Variants in TNIK observed in about 807,000 individuals in gnomAD.
TNIK encodes the protein TRAF2 and NCK-interacting protein kinase.
A neutral mutation model predicts 191.3 loss-of-function variants in TNIK; 49 were observed. That is an observed-to-expected ratio of 0.26 (90% confidence interval 0.20 to 0.32). The LOEUF (loss-of-function observed/expected upper bound fraction) is 0.32. TNIK is among the 10% of genes least tolerant of loss of function. The pLI, the probability that TNIK is intolerant of heterozygous loss-of-function variation, is 1.00. For synonymous variants in TNIK, 594 were observed against 600.9 expected, an observed-to-expected ratio of 0.99 and a Z score of 0.17; for missense variants, 1,155 against 1,702.3, an observed-to-expected ratio of 0.68 and a Z score of 5.66.
chr3:171,186,712 C>G (rs903120839), intron 7 of TNIK, among the ~76,000 whole-genome samples: 1 of 152,166 alleles, frequency 6.6e-6, no homozygotes, highest in South Asian at 2.1e-4. Context: ...CATCTTCAAT[C>G]TTTTTAATGT....
intron 19 of TNIK, among the ~76,000 whole-genome samples, chr3:171,109,432 G>A (rs940620336): frequency 2.0e-5 from 3 of 151,988 alleles, no homozygotes; most frequent in Admixed American, 1.3e-4. Context: ...AGAGGCAGCT[G>A]TTGGCTAGTC....
At chr3:171,188,251 AG>A (rs1174059931) in intron 7 of TNIK, among the ~76,000 whole-genome samples, 7 of 152,222 alleles carry the variant, frequency 4.6e-5, no homozygotes, top group Admixed American at 1.3e-4. Flanking sequence ...CTCATGAAAA[AG>A]AAACCCCAGA....
chr3:171,448,242 GT>G (rs1727748454), intron 1 of TNIK, among the ~76,000 whole-genome samples: 1 of 152,078 alleles, frequency 6.6e-6, no homozygotes, highest in African/African-American at 2.4e-5. Context: ...GTTTCACAGA[GT>G]TGTACAAACA....
intron 1 of TNIK, among the ~76,000 whole-genome samples, chr3:171,405,198 C>G (rs1260206917): frequency 6.6e-6 from 1 of 152,086 alleles, no homozygotes; most frequent in Non-Finnish European, 1.5e-5. Flanking sequence ...CAGTCAAACT[C>G]AAGTCGGGGA....
intron 8 of TNIK, among the ~76,000 whole-genome samples, chr3:171,175,735 T>G (rs1446839410): frequency 1.3e-5 from 2 of 152,172 alleles, no homozygotes; most frequent in East Asian, 1.9e-4. Flanking sequence ...TAAAAGGCAT[T>G]TCATTATCCC....
At chr3:171,277,862 C>G (rs779231810) in intron 2 of TNIK, among the ~76,000 whole-genome samples, 7 of 152,198 alleles carry the variant, frequency 4.6e-5, no homozygotes, top group Non-Finnish European at 8.8e-5. Flanking sequence ...TATAGCCAAG[C>G]TGACTTTTTA....
At chr3:171,442,826 C>A (rs566608083) in intron 1 of TNIK, among the ~76,000 whole-genome samples, 47 of 152,202 alleles carry the variant, frequency 3.1e-4, no homozygotes, top group African/African-American at 1.1e-3. Context: ...AATACTGTTC[C>A]TCTTCCCTTT....
rs1752532241 is a variant in TNIK, at chr3:171,298,317, A to C, written c.124-70096T>G. Among the ~76,000 whole-genome samples the C allele has an allele frequency of 2.0e-5, 3 of 152,222 alleles. No homozygotes were observed. The South Asian group carries it at 6.2e-4, about 32-fold the overall frequency. On this transcript the variant is annotated intron_variant, in intron 2 of 32. Coordinates refer to ENST00000436636, the MANE Select transcript of TNIK (RefSeq NM_015028.4). ...GAAAGCAGTTTGTAAAATGTTAAGCATTAACAAATGGAACTTTTTTTGCGA... is the reference window on the plus strand; with the variant it reads ...GAAAGCAGTTTGTAAAATGTTAAGCCTTAACAAATGGAACTTTTTTTGCGA...
chr3:171,311,036 T>C (rs1753960361), intron 2 of TNIK, among the ~76,000 whole-genome samples: 1 of 152,092 alleles, frequency 6.6e-6, no homozygotes, highest in Non-Finnish European at 1.5e-5. Context: ...CACTCACCGC[T>C]CCTACTCATT....
intron 19 of TNIK, among the ~76,000 whole-genome samples, chr3:171,109,905 A>G (rs929147583): frequency 6.6e-6 from 1 of 151,596 alleles, no homozygotes; most frequent in Non-Finnish European, 1.5e-5. Flanking sequence ...CAGAGGAGTC[A>G]ACAATTTTTT....
chr3:171,447,105 C>T (rs927940541), intron 1 of TNIK, among the ~76,000 whole-genome samples: 3 of 152,090 alleles, frequency 2.0e-5, no homozygotes, highest in Non-Finnish European at 2.9e-5. Context: ...GCGGGAGAAT[C>T]GCCTGAACCC....
At chr3:171,097,043 G>T (rs1051436116) in intron 22 of TNIK, among the ~76,000 whole-genome samples, 5 of 152,026 alleles carry the variant, frequency 3.3e-5, no homozygotes, top group Non-Finnish European at 7.4e-5. Flanking sequence ...ATAATTGGGT[G>T]GTTATCATAG....
chr3:171,297,097 A>G (rs938815457), intron 2 of TNIK, among the ~76,000 whole-genome samples: 13 of 152,140 alleles, frequency 8.5e-5, no homozygotes, highest in African/African-American at 2.4e-4. Flanking sequence ...GGACACAGCT[A>G]TAATTTGGTG....
At position 171,199,468 on chromosome 3, in the gene TNIK, A is replaced by G. The variant is rs77269378; in HGVS notation, c.307-4833T>C. 4.0e-3 allele frequency among the ~76,000 whole-genome samples: 611 copies of G among 152,364 alleles called. 4 individuals are homozygous for G. The highest frequency in any genetic ancestry group is 0.014 in the African/African-American group (583 of 41,586). ...TCAAAGAGTTTATACTGGGATAATA[A>G]TACTTTCTAACATTTACTGAGAATT... On this transcript the variant is annotated intron_variant, in intron 4 of 32. Transcript: ENST00000436636.
chr3:171,099,745 CAG>C (rs1326702344), intron 22 of TNIK, among the ~76,000 whole-genome samples: 7 of 152,134 alleles, frequency 4.6e-5, no homozygotes, highest in African/African-American at 1.7e-4. Flanking sequence ...AAATGCCAGA[CAG>C]AAGTGAAGCG....
chr3:171,068,980 C>T lies in TNIK; in HGVS notation c.3567G>A (p.Gln1189=), dbSNP rs1339707620. ...TGAGATCAACTAGCAGAGGCTTGTG[C>T]TGGAGATCTGCAAAAGACTTTAAAA... ...FMAFKSFADL[Q]HKPLLVDLTV... Residue 1189 remains glutamine (Q), a synonymous_variant, in exon 30 of 33, where the codon CAG becomes CAA. Coordinates refer to ENST00000436636, the MANE Select transcript of TNIK (RefSeq NM_015028.4). 4 of 1,612,574 alleles carry T rather than the reference C, an allele frequency of 2.5e-6. No individual in the cohort carries two copies. In the African/African-American group the frequency reaches 5.3e-5, roughly 22 times the overall value.
At chr3:171,193,468 T>C (rs1391701990) in intron 5 of TNIK, among the ~76,000 whole-genome samples, 3 of 152,246 alleles carry the variant, frequency 2.0e-5, no homozygotes, top group African/African-American at 7.2e-5. Flanking sequence ...TATTAAGGTC[T>C]TCTTTAATAT....
chr3:171,396,659 C>T (rs1024559849), intron 1 of TNIK, among the ~76,000 whole-genome samples: 1 of 152,164 alleles, frequency 6.6e-6, no homozygotes, highest in Non-Finnish European at 1.5e-5. Flanking sequence ...AGTAGTTACA[C>T]ATCAATTATT....
At chr3:171,140,788 G>A (rs1421544989) in intron 12 of TNIK, among the ~76,000 whole-genome samples, 1 of 151,976 alleles carries the variant, frequency 6.6e-6, no homozygotes, top group Non-Finnish European at 1.5e-5. Flanking sequence ...AGCTGGTGAG[G>A]GTTTTCAAGT....
Sources: gnomAD v4.1 joint callset for allele counts (sites outside exome capture counted in the v4.1 genomes callset) on GRCh38, gnomAD v4.1.1 for gene constraint, MANE v1.5 for transcripts, NCBI Gene and HGNC (gene_info 2026-07-23, HGNC 2026-07-21) for gene names.